The following KALRN variants were observed in gnomAD, a reference collection of about 807,000 sequenced individuals.
The protein encoded by KALRN is kalirin RhoGEF kinase.
KALRN carries 70 observed loss-of-function variants against 353.7 expected under a neutral mutation model. The observed-to-expected ratio is 0.20, with a 90% CI of 0.16 to 0.24. The LOEUF (loss-of-function observed/expected upper bound fraction) is 0.24, where lower values mean the gene tolerates loss of function less well. KALRN is among the 10% of genes least tolerant of loss of function. KALRN has a pLI of 1.00. For synonymous variants in KALRN, 1,391 were observed against 1,434.8 expected (o/e 0.97, Z 0.69); for missense variants, 2,791 against 3,756.7 (o/e 0.74, Z 6.72).
chr3:124,402,982 C>A (rs923046720), intron 13 of KALRN, among the ~76,000 whole-genome samples: 1 of 152,096 alleles, frequency 6.6e-6, no homozygotes, highest in East Asian at 1.9e-4. Context: ...AACCACGTGT[C>A]TTTTTGTGAA....
At chr3:124,477,468 G>C (rs1164793352) in intron 27 of KALRN, 134 bp downstream of exon 27, 2 of 673,882 alleles carry the variant, frequency 3.0e-6, no homozygotes, top group Non-Finnish European at 5.1e-6. Context: ...CCTTAAGCAT[G>C]GAAAAAAAGC....
intron 1 of KALRN, among the ~76,000 whole-genome samples, chr3:124,186,744 C>T (rs2074273663): frequency 6.6e-6 from 1 of 152,192 alleles, no homozygotes; most frequent in South Asian, 2.1e-4. Flanking sequence ...GGGAATCATT[C>T]CTTTCAGTTC....
chr3:124,176,355 T>C (rs1388297607), intron 1 of KALRN, among the ~76,000 whole-genome samples: 2 of 152,208 alleles, frequency 1.3e-5, no homozygotes, highest in Non-Finnish European at 2.9e-5. Flanking sequence ...CCACGCAGAT[T>C]ACCCACATGG....
chr3:124,204,815 G>A (rs976606731), intron 1 of KALRN, among the ~76,000 whole-genome samples: 8 of 152,278 alleles, frequency 5.3e-5, no homozygotes, highest in African/African-American at 1.9e-4. Context: ...TTCCAAAGCT[G>A]TCCTCCGCAC....
intron 14 of KALRN, among the ~76,000 whole-genome samples, chr3:124,415,691 A>C (rs139414157): frequency 6.6e-6 from 1 of 152,342 alleles, no homozygotes; most frequent in African/African-American, 2.4e-5. Flanking sequence ...TAAATAGTCT[A>C]AGGGTGAGCA....
intron 1 of KALRN, among the ~76,000 whole-genome samples, chr3:124,199,300 A>G (rs564915721): frequency 1.2e-3 from 190 of 152,134 alleles, no homozygotes; most frequent in African/African-American, 4.4e-3. Context: ...CACACACTCC[A>G]CACCACCCCA....
chr3:124,519,353 C>T (rs1466067034), intron 33 of KALRN: 2 of 985,292 alleles, frequency 2.0e-6, no homozygotes, highest in Non-Finnish European at 2.4e-6. Context: ...CTCCAGTTTC[C>T]AACACACTCA....
chr3:124,340,757 C>A (rs113753816), intron 9 of KALRN, among the ~76,000 whole-genome samples: 2,182 of 152,232 alleles, frequency 0.014, 45 homozygotes, highest in African/African-American at 0.049. Context: ...GAGTTCAAGA[C>A]CAGCCTGGCC....
At chr3:124,675,576 C>T (rs1268997905) in intron 49 of KALRN, 1 of 126,222 alleles carries the variant, frequency 7.9e-6, no homozygotes, top group East Asian at 2.4e-4. Context: ...AATGCATTGG[C>T]ATTTTTTTTT....
intron 1 of KALRN, among the ~76,000 whole-genome samples, chr3:124,209,552 C>A (rs1372821743): frequency 6.6e-6 from 1 of 151,356 alleles, no homozygotes; most frequent in Non-Finnish European, 1.5e-5. Context: ...CCACCCTGAC[C>A]TCTCTGAGAG....
At chr3:124,236,920 A>G (rs561808011) in intron 3 of KALRN, among the ~76,000 whole-genome samples, 1 of 152,326 alleles carries the variant, frequency 6.6e-6, no homozygotes, top group South Asian at 2.1e-4. Context: ...CGAGAGCCCT[A>G]TTGCCAGTGG....
intron 57 of KALRN, among the ~76,000 whole-genome samples, chr3:124,709,872 A>G (rs1241408852): frequency 6.6e-6 from 1 of 152,250 alleles, no homozygotes; most frequent in East Asian, 1.9e-4. Context: ...ACTGCAGCAC[A>G]TAACTGTGAA....
intron 33 of KALRN, among the ~76,000 whole-genome samples, chr3:124,538,954 T>A (rs2068762763): frequency 6.6e-6 from 1 of 152,218 alleles, no homozygotes; most frequent in Admixed American, 6.5e-5. Context: ...TAGATGGCCA[T>A]CCAGACTCTT....
At chr3:124,517,114 C>T (rs768060990) in intron 33 of KALRN, among the ~76,000 whole-genome samples, 1 of 152,180 alleles carries the variant, frequency 6.6e-6, no homozygotes, top group Non-Finnish European at 1.5e-5. Flanking sequence ...CCATGCCCGG[C>T]CGTGATTTAA....
At chr3:124,247,891 A>G (rs941234051) in intron 3 of KALRN, among the ~76,000 whole-genome samples, 1 of 152,186 alleles carries the variant, frequency 6.6e-6, no homozygotes, top group Non-Finnish European at 1.5e-5. Flanking sequence ...TTGAAAAAAA[A>G]AAGTCTCCCC....
At chr3:124,661,730 T>C in intron 44 of KALRN, 121 bp from the exon 45 acceptor site, 1 of 784,658 alleles carries the variant, frequency 1.3e-6, no homozygotes, top group South Asian at 1.5e-5. Context: ...AGAACCAGCA[T>C]CCCTTCCTAG....
At chr3:124,667,734 T>C (rs1056348164) in intron 47 of KALRN, among the ~76,000 whole-genome samples, 1 of 152,190 alleles carries the variant, frequency 6.6e-6, no homozygotes, top group South Asian at 2.1e-4. Flanking sequence ...AGAAGAAAAT[T>C]TGTGGTTACA....
At chr3:124,631,459 G>A (rs2080770615) in intron 34 of KALRN, among the ~76,000 whole-genome samples, 1 of 151,898 alleles carries the variant, frequency 6.6e-6, no homozygotes, top group Non-Finnish European at 1.5e-5. Flanking sequence ...CACATCTCAG[G>A]AACCCCATCC....
At chr3:124,071,179 G>A (rs2060002527) in intron 1 of KALRN, among the ~76,000 whole-genome samples, 1 of 152,128 alleles carries the variant, frequency 6.6e-6, no homozygotes, top group Non-Finnish European at 1.5e-5. Context: ...GGGATGCTTG[G>A]TGATTTGAAC....
Sources: gnomAD v4.1 joint callset for allele counts (sites outside exome capture counted in the v4.1 genomes callset) on GRCh38, gnomAD v4.1.1 for gene constraint, MANE v1.5 for transcripts, NCBI Gene and HGNC (gene_info 2026-07-23, HGNC 2026-07-21) for gene names.